FAM149B1: variants seen among roughly 807,000 people sequenced by gnomAD.
FAM149B1 encodes primary cilium assembly protein FAM149B1.
A neutral mutation model predicts 75.3 loss-of-function variants in FAM149B1; 56 were observed. That is an observed-to-expected ratio of 0.74 (90% CI 0.60 to 0.93). The LOEUF (loss-of-function observed/expected upper bound fraction) is 0.93. Among genes scored for constraint, FAM149B1 ranks in the 40% least tolerant of loss-of-function variants. The pLI, the probability that FAM149B1 is intolerant of heterozygous loss-of-function variation, is 0.00. For synonymous variants in FAM149B1, 259 were observed against 256.1 expected, an observed-to-expected ratio of 1.01 and a Z score of -0.11; for missense variants, 639 against 708.4, an observed-to-expected ratio of 0.90 and a Z score of 1.11.
At chr10:73,227,636 A>G (rs11000557) in intron 7 of FAM149B1, among the ~76,000 whole-genome samples, 15,921 of 152,218 alleles carry the variant, frequency 0.1, 1,207 homozygotes, top group East Asian at 0.31. Context: ...TATACTGTCC[A>G]ATAGAGTAGG....
At position 73,177,827 on chromosome 10, in the gene FAM149B1, T is replaced by A. The variant is rs1844038070; in HGVS notation, c.153-19T>A. On this transcript the variant is annotated intron_variant, in intron 2 of 13. Transcript: ENST00000242505. ...AAAAATTTTCTTTTTTCTCTCCTCC[T>A]CCCAAATTGTGCCTTTAGCAAGTCT... The A allele has an allele frequency of 3.9e-6, 6 of 1,537,862 alleles. No individual in the cohort carries two copies. In the South Asian group the frequency reaches 7.2e-5, roughly 18 times the overall value.
In FAM149B1 at chr10:73,177,929, C is replaced by G. The variant is rs998438882; in HGVS notation, c.236C>G (p.Ala79Gly). Residue 79 changes from alanine to glycine, a missense_variant, in exon 3 of 14, where the codon GCA becomes GGA. Physicochemically the swap from Ala to Gly is moderately conservative, Grantham distance 60. Transcript: ENST00000242505. ...TCTGCTTTTCCAAGTTATACAGGCG[C>G]AGGGATATCTACTGAAGGAAGCTCG... ...SLSAFPSYTG[A>G]GISTEGSSDF... 5 of 1,551,656 alleles carry G rather than the reference C, an allele frequency of 3.2e-6. No individual in the cohort carries two copies. Among genetic ancestry groups the G allele is most frequent in the Non-Finnish European group, 4.4e-6 (5 of 1,146,948 alleles).
intron 5 of FAM149B1, among the ~76,000 whole-genome samples, chr10:73,194,548 A>G (rs2042754824): frequency 6.6e-6 from 1 of 151,864 alleles, no homozygotes. Flanking sequence ...GTGTGCCACC[A>G]TGCCCGGGAT....
chr10:73,205,021 G>A (rs2043024603), intron 5 of FAM149B1, among the ~76,000 whole-genome samples: 1 of 115,934 alleles, frequency 8.6e-6, no homozygotes, highest in Non-Finnish European at 1.7e-5. Flanking sequence ...CACCCTGTTA[G>A]CCAGGATGGT....
intron 12 of FAM149B1, among the ~76,000 whole-genome samples, chr10:73,236,706 C>A (rs1257926666): frequency 6.6e-6 from 1 of 151,182 alleles, no homozygotes; most frequent in East Asian, 1.9e-4. Context: ...GCCACTGTAC[C>A]CGGCCTTTTT....
intron 1 of FAM149B1, among the ~76,000 whole-genome samples, chr10:73,169,634 A>T (rs12253199): frequency 0.11 from 15,862 of 150,884 alleles, 1,215 homozygotes; most frequent in East Asian, 0.31. Context: ...TTAAAAAAAA[A>T]TTTTTTTTTG....
intron 7 of FAM149B1, among the ~76,000 whole-genome samples, chr10:73,212,401 C>T (rs796882371): frequency 4.6e-5 from 7 of 152,250 alleles, no homozygotes; most frequent in African/African-American, 1.7e-4. Flanking sequence ...CTGCTTCAGC[C>T]TCCCGAGTAG....
At chr10:73,234,976 C>A in intron 11 of FAM149B1, 36 bp downstream of exon 11, 8 of 1,548,122 alleles carry the variant, frequency 5.2e-6, no homozygotes, top group Non-Finnish European at 7.0e-6. Context: ...CATGTACTTA[C>A]CATACAACCT....
rs140044568 is a variant in FAM149B1 at position 73,238,619 on chromosome 10, A to G, written c.1603-693A>G. On this transcript the variant is annotated intron_variant, in intron 12 of 13. Transcript: ENST00000242505. ...GTCCACAAAGCCTAATATAATAACT[A>G]TCTGGCCCTTTGCAAAAAATAAGTT... Among the ~76,000 whole-genome samples the G allele has an allele frequency of 2.0e-5, 3 of 152,318 alleles. No individual in the cohort carries two copies. The East Asian group carries it at 5.8e-4, about 29-fold the overall frequency.
rs79193912 is a variant in FAM149B1, at chr10:73,214,642, G to A, written c.898+4204G>A. Among the ~76,000 whole-genome samples the A allele has an allele frequency of 8.7e-3, 1,326 of 152,202 alleles. 30 individuals are homozygous for A. Among genetic ancestry groups the A allele is most frequent in the African/African-American group, 0.03 (1,242 of 41,498 alleles). On this transcript the variant is annotated intron_variant, in intron 7 of 13. Coordinates refer to ENST00000242505, the MANE Select transcript of FAM149B1 (RefSeq NM_173348.2). Reference sequence around the variant, plus strand: ...ATGTTGAATCATCCTTTCAACTCTGGGATAAATCCCACTTGATCATGTTGT... The same window carrying A: ...ATGTTGAATCATCCTTTCAACTCTGAGATAAATCCCACTTGATCATGTTGT...
At chr10:73,183,400 A>C (rs904198962) in intron 3 of FAM149B1, 1 of 152,184 alleles carries the variant, frequency 6.6e-6, no homozygotes, top group African/African-American at 2.4e-5. Flanking sequence ...GATTATTGTA[A>C]AATTATTCAA....
intron 7 of FAM149B1, among the ~76,000 whole-genome samples, chr10:73,223,439 A>G (rs1158207030): frequency 1.3e-5 from 2 of 152,096 alleles, no homozygotes; most frequent in African/African-American, 2.4e-5. Flanking sequence ...ATCACACCCT[A>G]CTGTTGATGG....
At chr10:73,179,115 C>T (rs2042332853) in intron 3 of FAM149B1, among the ~76,000 whole-genome samples, 2 of 152,038 alleles carry the variant, frequency 1.3e-5, no homozygotes, top group African/African-American at 4.8e-5. Context: ...TAAGCGTGCA[C>T]CACCATGGCC....
intron 9 of FAM149B1, 35 bp downstream of exon 9, chr10:73,230,560 A>G (rs1345574963): frequency 8.3e-7 from 1 of 1,211,610 alleles, no homozygotes; most frequent in Admixed American, 2.0e-5. Context: ...TATACAGTGT[A>G]AAAGGGAAAC....
Position 73,228,189 on chromosome 10 carries a change from G to GC in FAM149B1, c.1023+9dup. 1 of 1,551,594 alleles carries GC rather than the reference G, an allele frequency of 6.4e-7. No homozygotes were observed. Among genetic ancestry groups the GC allele is most frequent in the Non-Finnish European group, 8.7e-7 (1 of 1,146,908 alleles). On this transcript the variant is annotated splice_donor_region_variant and intron_variant, in intron 8 of 13. Coordinates refer to ENST00000242505, the MANE Select transcript of FAM149B1 (RefSeq NM_173348.2). ...CTGTACATTACCTCAAATCCGGTAAGCCCCAGAGGGATCAGTTGGAGACCC... is the reference window on the plus strand; with the variant it reads ...CTGTACATTACCTCAAATCCGGTAAGCCCCCAGAGGGATCAGTTGGAGACCC...
intron 9 of FAM149B1, among the ~76,000 whole-genome samples, chr10:73,231,749 TTACAG>T (rs1469536690): frequency 1.3e-5 from 2 of 152,114 alleles, no homozygotes; most frequent in Admixed American, 6.5e-5. Context: ...TGGGGTGTGT[TTACAG>T]TGAGGGGCCA....
chr10:73,208,330 A>G (rs1453870252), intron 5 of FAM149B1, among the ~76,000 whole-genome samples: 1 of 152,210 alleles, frequency 6.6e-6, no homozygotes, highest in Non-Finnish European at 1.5e-5. Flanking sequence ...GTGGTCTCAG[A>G]TATTTCTTTA....
At chr10:73,202,612 T>C (rs944256720) in intron 5 of FAM149B1, among the ~76,000 whole-genome samples, 7 of 151,984 alleles carry the variant, frequency 4.6e-5, no homozygotes, top group South Asian at 2.1e-4. Context: ...TTTAGACATA[T>C]TGGATCTCCA....
intron 5 of FAM149B1, 105 bp from the exon 6 acceptor site, chr10:73,208,514 A>G: frequency 1.5e-6 from 1 of 667,920 alleles, no homozygotes; most frequent in East Asian, 2.8e-5. Flanking sequence ...CCACGAAGGT[A>G]TTGCCAGGGC....
Sources: gnomAD v4.1 joint callset for allele counts (sites outside exome capture counted in the v4.1 genomes callset) on GRCh38, gnomAD v4.1.1 for gene constraint, MANE v1.5 for transcripts, NCBI Gene and HGNC (gene_info 2026-07-23, HGNC 2026-07-21) for gene names.